The following LYPLAL1 variants were observed in gnomAD, a reference collection of about 807,000 sequenced individuals.
LYPLAL1 encodes the protein lysophospholipase-like protein 1.
In LYPLAL1, 23 loss-of-function variants were observed where a neutral mutation model predicts 19.7. The ratio of observed to expected loss-of-function variants is 1.17; its 90% CI spans 0.84 to 1.65. The LOEUF (loss-of-function observed/expected upper bound fraction) is 1.65. Among genes scored for constraint, LYPLAL1 ranks in the 40% most tolerant of loss-of-function variants. The probability of loss-of-function intolerance (pLI) is 0.00; values close to 1 mark genes in which losing one functional copy is unlikely to be tolerated. For synonymous variants in LYPLAL1, 119 were observed against 96.3 expected (o/e 1.24, Z -1.38); for missense variants, 355 against 279.4 (o/e 1.27, Z -1.93).
chr1:219,404,748 A>G, the LYPLAL1 span, among the ~76,000 whole-genome samples: 1 of 152,230 alleles, frequency 6.6e-6, no homozygotes, highest in East Asian at 1.9e-4. Flanking sequence ...TTTGTTGTAT[A>G]TTTCAAAATA....
At chr1:219,217,393 TGTGTGTGTGTGTGTGAGA>T (rs1659331650), downstream of LYPLAL1, among the ~76,000 whole-genome samples, 1 of 135,146 alleles carries the variant, frequency 7.4e-6, no homozygotes, top group Non-Finnish European at 1.7e-5. Flanking sequence ...TGTGTGTGTG[TGTGTGTGTGTGTGTGAGA>T]GATGGTTGTA....
At chr1:219,210,501 A>G (rs762113001) in intron 3 of LYPLAL1, 31 bp from the exon 4 acceptor site, 14 of 246,116 alleles carry the variant, frequency 5.7e-5, no homozygotes, top group South Asian at 5.2e-4. Context: ...TATTTTATGT[A>G]TTCTACTTTT....
chr1:219,298,573 A>G, the LYPLAL1 span, among the ~76,000 whole-genome samples: 1 of 152,138 alleles, frequency 6.6e-6, no homozygotes, highest in Non-Finnish European at 1.5e-5. Context: ...CCACCACCCA[A>G]GATGTCTCAT....
chr1:219,380,115 A>C, the LYPLAL1 span, among the ~76,000 whole-genome samples: 1,568 of 152,380 alleles, frequency 0.01, 30 homozygotes, highest in African/African-American at 0.035. Context: ...TATCATCTTT[A>C]GCATCCTTTT....
chr1:219,414,253 G>T, the LYPLAL1 span, among the ~76,000 whole-genome samples: 1 of 152,046 alleles, frequency 6.6e-6, no homozygotes, highest in Non-Finnish European at 1.5e-5. Context: ...TCTCTTTATG[G>T]GTACCCAATC....
At chr1:219,266,735 C>A in the LYPLAL1 span, among the ~76,000 whole-genome samples, 1 of 152,110 alleles carries the variant, frequency 6.6e-6, no homozygotes, top group Non-Finnish European at 1.5e-5. Flanking sequence ...ATGGCTGAGT[C>A]ACTTAAGGAT....
chr1:219,280,137 C>T, the LYPLAL1 span, among the ~76,000 whole-genome samples: 4 of 152,166 alleles, frequency 2.6e-5, no homozygotes, highest in Non-Finnish European at 2.9e-5. Flanking sequence ...CCATTTTCAT[C>T]GCTTTCTACT....
chr1:219,221,343 G>T, the LYPLAL1 span, among the ~76,000 whole-genome samples: 1 of 152,146 alleles, frequency 6.6e-6, no homozygotes, highest in African/African-American at 2.4e-5. Context: ...CTTGCTATAG[G>T]TGGTGGAGAA....
chr1:219,257,989 T>A, the LYPLAL1 span, among the ~76,000 whole-genome samples: 9 of 152,012 alleles, frequency 5.9e-5, no homozygotes, highest in African/African-American at 1.9e-4. Context: ...TATTACTTGC[T>A]GGGAAAAGAA....
the LYPLAL1 span, among the ~76,000 whole-genome samples, chr1:219,303,270 T>C: frequency 6.6e-6 from 1 of 152,384 alleles, no homozygotes; most frequent in Non-Finnish European, 1.5e-5. Flanking sequence ...ACTCAAGACA[T>C]AGCTATAAAC....
intron 3 of LYPLAL1, among the ~76,000 whole-genome samples, chr1:219,204,492 A>T (rs971776809): frequency 6.6e-6 from 1 of 152,228 alleles, no homozygotes; most frequent in Non-Finnish European, 1.5e-5. Flanking sequence ...GGAGAAAGGT[A>T]TATCATTTTT....
At chr1:219,341,740 A>G in the LYPLAL1 span, among the ~76,000 whole-genome samples, 1 of 152,106 alleles carries the variant, frequency 6.6e-6, no homozygotes, top group Non-Finnish European at 1.5e-5. Context: ...TCTGAGCATG[A>G]ATGACAAGCT....
At chr1:219,425,451 C>G in the LYPLAL1 span, among the ~76,000 whole-genome samples, 2 of 152,162 alleles carry the variant, frequency 1.3e-5, no homozygotes. Flanking sequence ...CACTTCTATC[C>G]TCTACTGGCT....
chr1:219,341,818 A>C, the LYPLAL1 span, among the ~76,000 whole-genome samples: 8 of 152,252 alleles, frequency 5.3e-5, no homozygotes, highest in South Asian at 1.7e-3. Flanking sequence ...AACTAAATTA[A>C]GTGGATTCAG....
chr1:219,343,227 T>G, the LYPLAL1 span, among the ~76,000 whole-genome samples: 1 of 152,322 alleles, frequency 6.6e-6, no homozygotes, highest in East Asian at 1.9e-4. Context: ...AATGATGAGC[T>G]AAAATTATAC....
the LYPLAL1 span, among the ~76,000 whole-genome samples, chr1:219,255,014 G>T: frequency 1.3e-5 from 2 of 151,758 alleles, no homozygotes; most frequent in African/African-American, 4.8e-5. Context: ...CAGAGAACCA[G>T]ACTTCACATT....
the LYPLAL1 span, among the ~76,000 whole-genome samples, chr1:219,368,194 G>A: frequency 8.5e-5 from 13 of 152,198 alleles, no homozygotes; most frequent in East Asian, 2.5e-3. Context: ...TAATTCAGGG[G>A]CTCAAGGACA....
the LYPLAL1 span, among the ~76,000 whole-genome samples, chr1:219,434,678 C>A: frequency 1.3e-5 from 2 of 152,164 alleles, no homozygotes; most frequent in African/African-American, 2.4e-5. Context: ...ATGATCAGCA[C>A]CACTTCAGTT....
At chr1:219,375,794 T>G in the LYPLAL1 span, among the ~76,000 whole-genome samples, 1 of 146,752 alleles carries the variant, frequency 6.8e-6, no homozygotes, top group Non-Finnish European at 1.5e-5. Flanking sequence ...CAGGCTGGAG[T>G]ACAGTGGCGC....
Sources: gnomAD v4.1 joint callset for allele counts (sites outside exome capture counted in the v4.1 genomes callset) on GRCh38, gnomAD v4.1.1 for gene constraint, MANE v1.5 for transcripts, NCBI Gene and HGNC (gene_info 2026-07-23, HGNC 2026-07-21) for gene names.